The following USP45 variants were observed in gnomAD, a reference collection of about 807,000 sequenced individuals.
USP45 encodes ubiquitin specific peptidase 45.
Under a neutral mutation model 95.8 loss-of-function variants are expected in USP45, and 89 were observed. That is an observed-to-expected ratio of 0.93 (90% CI 0.78 to 1.11). USP45 has a LOEUF of 1.11. Ranked by LOEUF, USP45 falls within the 50% of genes least tolerant of loss-of-function variation. The pLI, the probability that USP45 is intolerant of heterozygous loss-of-function variation, is 0.00. For synonymous variants in USP45, 281 were observed against 316.2 expected (o/e 0.89, Z 1.18); for missense variants, 898 against 942.5 (o/e 0.95, Z 0.62).
At chr6:99,435,947 C>A in intron 17 of USP45, 101 bp from the exon 18 acceptor site, 2 of 1,175,676 alleles carry the variant, frequency 1.7e-6, no homozygotes, top group South Asian at 2.0e-5. Context: ...CTATCTAATG[C>A]CAAATTTTAC....
At chr6:99,490,318 CA>C (rs1794890638) in intron 5 of USP45, among the ~76,000 whole-genome samples, 1 of 151,926 alleles carries the variant, frequency 6.6e-6, no homozygotes, top group African/African-American at 2.4e-5. Context: ...CACCTACTAC[CA>C]CACCCAGCTA....
intron 7 of USP45, among the ~76,000 whole-genome samples, chr6:99,485,321 G>C (rs771256278): frequency 1.4e-4 from 21 of 151,834 alleles, no homozygotes; most frequent in Non-Finnish European, 2.8e-4. Context: ...TTCCAGACTG[G>C]GTGACAGAGC....
intron 13 of USP45, among the ~76,000 whole-genome samples, chr6:99,463,061 TA>T (rs979378389): frequency 1.2e-4 from 18 of 152,294 alleles, no homozygotes; most frequent in Middle Eastern, 6.8e-3. Flanking sequence ...TCATTTCATA[TA>T]AAAAAGTTTT....
At chr6:99,451,456 A>G (rs533263658) in intron 13 of USP45, among the ~76,000 whole-genome samples, 4 of 152,356 alleles carry the variant, frequency 2.6e-5, no homozygotes, top group African/African-American at 9.6e-5. Context: ...TAAAATACCT[A>G]GGAATCCAAC....
In USP45 at chr6:99,465,112, TG is replaced by T. The variant is rs1337179360; in HGVS notation, c.1131del (p.Phe377LeufsTer8). ...CANISTVKDP[F>X]IDISLPIIEE... ...TCTATTATAGGAAGTGAAATATCAA[TG>T]AATGGATCTTTCACCGTGGAGATCT... On this transcript the variant is annotated frameshift_variant, in exon 12 of 18. Coordinates refer to ENST00000500704, the MANE Select transcript of USP45 (RefSeq NM_001346022.3). LOFTEE classifies it high-confidence loss of function. 3.8e-6 allele frequency: 6 copies of T among 1,598,514 alleles called. No homozygotes were observed. The highest frequency in any genetic ancestry group is 5.1e-6 in the Non-Finnish European group (6 of 1,170,884).
chr6:99,440,663 T>C (rs909231689), intron 15 of USP45, among the ~76,000 whole-genome samples: 2 of 152,226 alleles, frequency 1.3e-5, no homozygotes, highest in Non-Finnish European at 2.9e-5. Context: ...TGCTTTTTTA[T>C]GGCTTATCTT....
rs139763236 is a variant in USP45, at chr6:99,443,356, C to T, written c.2073+209G>A. The stretch of plus-strand genomic sequence containing the variant: ...CACAGAGATACCATTTAGGTTCCTG[C>T]TGCCTAAATTTTCAAATATTGTGAA... On this transcript the variant is annotated intron_variant, in intron 15 of 17. Transcript: ENST00000500704. Among the ~76,000 whole-genome samples the T allele has an allele frequency of 1.3e-3, 196 of 152,272 alleles. 2 individuals carry two copies. The highest frequency in any genetic ancestry group is 4.4e-3 in the African/African-American group (184 of 41,566).
chr6:99,506,336 G>C (rs535838540), intron 4 of USP45, among the ~76,000 whole-genome samples: 1 of 152,096 alleles, frequency 6.6e-6, no homozygotes, highest in Non-Finnish European at 1.5e-5. Flanking sequence ...ACTTGTTTTT[G>C]GTTTTTTTGA....
At chr6:99,442,986 G>A (rs1011085370) in intron 15 of USP45, among the ~76,000 whole-genome samples, 5 of 152,134 alleles carry the variant, frequency 3.3e-5, no homozygotes, top group African/African-American at 1.2e-4. Flanking sequence ...GGGAGGCCCA[G>A]GCAGGTGGAT....
chr6:99,516,523 G>A (rs1801122748), upstream of USP45, among the ~76,000 whole-genome samples: 3 of 152,292 alleles, frequency 2.0e-5, no homozygotes, highest in Non-Finnish European at 2.9e-5. Flanking sequence ...GGCAAAGAAG[G>A]TTGATATTTG....
intron 5 of USP45, among the ~76,000 whole-genome samples, chr6:99,501,165 G>GT (rs1428273234): frequency 1.3e-5 from 2 of 151,544 alleles, no homozygotes; most frequent in East Asian, 3.9e-4. Context: ...CTCCCCATGA[G>GT]TATCTATCAG....
At chr6:99,448,814 T>C (rs1783146147) in intron 13 of USP45, among the ~76,000 whole-genome samples, 1 of 152,166 alleles carries the variant, frequency 6.6e-6, no homozygotes, top group African/African-American at 2.4e-5. Context: ...CCCATCAGAC[T>C]AACAGCAGAT....
Position 99,434,780 on chromosome 6 carries a change from A to G in USP45, c.*936T>C, listed in dbSNP as rs932861736. ...CTATCATTTACAAATATAATTTGGT[A>G]ATTTATATTTCAAAGCTATCCTATG... On this transcript the variant is annotated 3_prime_UTR_variant, in exon 18 of 18. Transcript: ENST00000500704. The G allele has an allele frequency of 6.6e-6, 1 of 152,196 alleles. No homozygotes were observed. Among genetic ancestry groups the G allele is most frequent in the Non-Finnish European group, 1.5e-5 (1 of 68,016 alleles). The allele number at this position is 152,196 out of a possible 1,614,324, so 9.4% of individuals were successfully genotyped here.
At chr6:99,475,316 C>G (rs1225710473) in intron 9 of USP45, among the ~76,000 whole-genome samples, 3 of 93,974 alleles carry the variant, frequency 3.2e-5, no homozygotes, top group Non-Finnish European at 4.0e-5. Context: ...TCTTAAGATT[C>G]CTTTTTTTTT....
intron 13 of USP45, among the ~76,000 whole-genome samples, chr6:99,450,737 A>G (rs1309168831): frequency 6.6e-6 from 1 of 152,216 alleles, no homozygotes; most frequent in East Asian, 1.9e-4. Context: ...ACAAAAAAAG[A>G]GAATTTTAGA....
intron 4 of USP45, among the ~76,000 whole-genome samples, chr6:99,506,879 T>C (rs1486238404): frequency 6.6e-6 from 1 of 152,142 alleles, no homozygotes; most frequent in Non-Finnish European, 1.5e-5. Flanking sequence ...CTAAAAAGAA[T>C]TTTTCTTTAC....
At chr6:99,446,837 G>A (rs7454755) in intron 13 of USP45, among the ~76,000 whole-genome samples, 46,665 of 152,006 alleles carry the variant, frequency 0.31, 7,444 homozygotes, top group Middle Eastern at 0.39. Flanking sequence ...TCAAACTCTC[G>A]GACTCAAGTG....
Position 99,432,639 on chromosome 6 carries a change from A to C in USP45, c.*3077T>G, listed in dbSNP as rs1779883476. On this transcript the variant is annotated 3_prime_UTR_variant, in exon 18 of 18. Transcript: ENST00000500704. ...TGATTTCTACGTAAACAAAAACATC[A>C]TAAATATCTAGAAATAATCTTTTTT... The C allele has an allele frequency of 6.6e-6, 1 of 152,276 alleles. No homozygotes were observed. The highest frequency in any genetic ancestry group is 1.5e-5 in the Non-Finnish European group (1 of 68,046). The allele number at this position is 152,276 out of a possible 1,614,324, so 9.4% of individuals were successfully genotyped here.
At chr6:99,464,166 C>T (rs551792621) in intron 13 of USP45, among the ~76,000 whole-genome samples, 27 of 150,750 alleles carry the variant, frequency 1.8e-4, no homozygotes, top group Non-Finnish European at 3.6e-4. Context: ...ATTAGCCAGG[C>T]GTGGTGGCAC....
Sources: gnomAD v4.1 joint callset for allele counts (sites outside exome capture counted in the v4.1 genomes callset) on GRCh38, gnomAD v4.1.1 for gene constraint, MANE v1.5 for transcripts, NCBI Gene and HGNC (gene_info 2026-07-23, HGNC 2026-07-21) for gene names.